The following XYLB variants were observed in gnomAD, a reference collection of about 807,000 sequenced individuals.
The protein encoded by XYLB is xylulokinase, also known as xylulose kinase.
Under a neutral mutation model 78.7 loss-of-function variants are expected in XYLB, and 62 were observed. The observed-to-expected ratio is 0.79, with a 90% CI of 0.64 to 0.97. The LOEUF (loss-of-function observed/expected upper bound fraction) is 0.97. Among genes scored for constraint, XYLB ranks in the 50% least tolerant of loss-of-function variants. XYLB has a pLI of 0.00. For synonymous variants in XYLB, 245 were observed against 247.4 expected (o/e 0.99, Z 0.09); for missense variants, 687 against 676.8 (o/e 1.02, Z -0.17).
At chr3:38,355,636 T>C (rs1302191421) in intron 2 of XYLB, 15 of 680,930 alleles carry the variant, frequency 2.2e-5, no homozygotes, top group Non-Finnish European at 4.0e-5. Context: ...GACTGAGTTC[T>C]AGCCAGTGGA....
At chr3:38,419,852 G>C (rs1708921347), downstream of XYLB, among the ~76,000 whole-genome samples, 1 of 151,346 alleles carries the variant, frequency 6.6e-6, no homozygotes, top group African/African-American at 2.4e-5. Flanking sequence ...ATGGAGTCTT[G>C]CTCTGTCGCC....
chr3:38,446,758 AAAAACCAAATC>A, the XYLB span, among the ~76,000 whole-genome samples: 1 of 152,182 alleles, frequency 6.6e-6, no homozygotes, highest in Non-Finnish European at 1.5e-5. Flanking sequence ...CACCATATAC[AAAAACCAAATC>A]AAAATGGACT....
At chr3:38,425,597 A>G (rs1709084117), downstream of XYLB, among the ~76,000 whole-genome samples, 1 of 152,218 alleles carries the variant, frequency 6.6e-6, no homozygotes, top group South Asian at 2.1e-4. Flanking sequence ...AAGCAGAACA[A>G]CTGGTTTTGT....
chr3:38,392,912 GT>G (rs1293647895), intron 15 of XYLB, among the ~76,000 whole-genome samples: 2 of 152,128 alleles, frequency 1.3e-5, no homozygotes, highest in Admixed American at 1.3e-4. Flanking sequence ...CAGAAGTACT[GT>G]TTTATGTTTC....
At chr3:38,436,248 T>C in the XYLB span, among the ~76,000 whole-genome samples, 6 of 151,950 alleles carry the variant, frequency 3.9e-5, no homozygotes, top group Non-Finnish European at 7.4e-5. Flanking sequence ...ACATTACAAC[T>C]GGTAACACGA....
chr3:38,401,196 T>G (rs1054886049), intron 18 of XYLB, among the ~76,000 whole-genome samples: 3 of 152,142 alleles, frequency 2.0e-5, no homozygotes, highest in Non-Finnish European at 4.4e-5. Flanking sequence ...CAGGGTCAGA[T>G]GGATTGCTGG....
At chr3:38,347,449 G>T (rs1446340471) in intron 1 of XYLB, among the ~76,000 whole-genome samples, 1 of 152,192 alleles carries the variant, frequency 6.6e-6, no homozygotes, top group Admixed American at 6.5e-5. Context: ...AGGCCGAGGC[G>T]AGTGGATCGC....
the XYLB span, among the ~76,000 whole-genome samples, chr3:38,450,865 G>T: frequency 2.6e-5 from 4 of 152,210 alleles, 1 homozygote; most frequent in Non-Finnish European, 4.4e-5. Context: ...TGTTGCAGTA[G>T]TGTACATGGA....
the XYLB span, among the ~76,000 whole-genome samples, chr3:38,437,053 C>A: frequency 1.6e-4 from 21 of 134,704 alleles, no homozygotes; most frequent in East Asian, 2.6e-3. Context: ...ATAACAAAAA[C>A]CAAAAAAAAC....
chr3:38,417,733 A>G (rs1708842780), downstream of XYLB, among the ~76,000 whole-genome samples: 1 of 151,810 alleles, frequency 6.6e-6, no homozygotes, highest in African/African-American at 2.4e-5. Flanking sequence ...TACAAAAATT[A>G]GCTGGGCATG....
the XYLB span, among the ~76,000 whole-genome samples, chr3:38,430,407 A>AT: frequency 4.7e-4 from 72 of 151,634 alleles, no homozygotes; most frequent in East Asian, 0.012. Flanking sequence ...GGGTTGTTTG[A>AT]TTTTTTCTTG....
the XYLB span, among the ~76,000 whole-genome samples, chr3:38,437,886 AT>A: frequency 6.6e-6 from 1 of 152,182 alleles, no homozygotes; most frequent in African/African-American, 2.4e-5. Context: ...CCTGGCCAAC[AT>A]GGTGAAACCC....
chr3:38,408,776 G>GA (rs1708444479), intron 18 of XYLB, among the ~76,000 whole-genome samples: 1 of 151,622 alleles, frequency 6.6e-6, no homozygotes, highest in Non-Finnish European at 1.5e-5. Flanking sequence ...AAATAAACTA[G>GA]AAAATCTAGA....
intron 15 of XYLB, among the ~76,000 whole-genome samples, chr3:38,388,184 T>A (rs1472741627): frequency 6.7e-6 from 1 of 150,064 alleles, no homozygotes; most frequent in East Asian, 1.9e-4. Context: ...TTTTTTTTTT[T>A]TTTTTTTACT....
At chr3:38,421,148 C>G (rs1708963458), downstream of XYLB, 1 of 152,288 alleles carries the variant, frequency 6.6e-6, no homozygotes, top group South Asian at 2.1e-4. Flanking sequence ...GCTCTCAGCT[C>G]TGAACGCTGT....
rs375440698 is a variant in XYLB at position 38,400,972 on chromosome 3, C to T, written c.1520C>T (p.Pro507Leu). 71 of 1,614,144 alleles carry T rather than the reference C, an allele frequency of 4.4e-5. No homozygotes were observed. The highest frequency in any genetic ancestry group is 2.3e-4 in the African/African-American group (17 of 75,056). The change falls in exon 18 of 19, where the codon CCG (proline) becomes CTG (leucine). Residue 507 changes from proline (P) to leucine (L), a missense_variant. Physicochemically the swap from Pro to Leu is moderately conservative, Grantham distance 98. Coordinates refer to ENST00000207870, the MANE Select transcript of XYLB (RefSeq NM_005108.4). Reference sequence around the variant, plus strand: ...CCCAGACTAGCTGCTACCCCAAGCCCGGGAGCTTCTCAGGTGAGAGACCAT... The same window carrying T: ...CCCAGACTAGCTGCTACCCCAAGCCTGGGAGCTTCTCAGGTGAGAGACCAT... Reference protein sequence around the residue: ...PNPRLAATPSPGASQVYEALL... With the variant: ...PNPRLAATPSLGASQVYEALL...
chr3:38,402,047 GGAAGCAT>G (rs1337085845), intron 18 of XYLB, among the ~76,000 whole-genome samples: 1 of 152,042 alleles, frequency 6.6e-6, no homozygotes, highest in East Asian at 1.9e-4. Flanking sequence ...TGGTTCATCA[GGAAGCAT>G]GAGCTTCATG....
At chr3:38,352,827 T>G (rs907330749) in intron 2 of XYLB, among the ~76,000 whole-genome samples, 2 of 151,334 alleles carry the variant, frequency 1.3e-5, no homozygotes, top group African/African-American at 4.9e-5. Flanking sequence ...AAAAAAAAAC[T>G]AGAAGGATAC....
intron 14 of XYLB, among the ~76,000 whole-genome samples, chr3:38,378,125 C>A (rs1345163892): frequency 6.6e-6 from 1 of 152,210 alleles, no homozygotes; most frequent in Non-Finnish European, 1.5e-5. Context: ...GATGGCACTA[C>A]ATGTTGGATT....
Sources: gnomAD v4.1 joint callset for allele counts (sites outside exome capture counted in the v4.1 genomes callset) on GRCh38, gnomAD v4.1.1 for gene constraint, MANE v1.5 for transcripts, NCBI Gene and HGNC (gene_info 2026-07-23, HGNC 2026-07-21) for gene names.